The following HGF variants were observed in gnomAD, a reference collection of about 807,000 sequenced individuals.
HGF encodes hepatocyte growth factor.
HGF carries 39 observed loss-of-function variants against 111.6 expected under a neutral mutation model. The observed-to-expected ratio is 0.35, with a 90% confidence interval of 0.27 to 0.46. The LOEUF (loss-of-function observed/expected upper bound fraction) is 0.46, where lower values mean the gene tolerates loss of function less well. HGF is among the 20% of genes least tolerant of loss of function. The pLI is 1.00. For missense variants in HGF, 735 were observed against 910.5 expected (o/e 0.81, Z 2.48); for synonymous variants, 285 against 294.8 (o/e 0.97, Z 0.34).
chr7:81,748,944 G>T (rs1214920156), intron 5 of HGF, among the ~76,000 whole-genome samples: 1 of 152,122 alleles, frequency 6.6e-6, no homozygotes, highest in African/African-American at 2.4e-5. Context: ...CAGACTAAAA[G>T]AGTTATTTTG....
At chr7:81,738,601 C>T (rs563188951) in intron 7 of HGF, among the ~76,000 whole-genome samples, 2 of 152,252 alleles carry the variant, frequency 1.3e-5, no homozygotes, top group East Asian at 3.9e-4. Context: ...TTTAGTGATA[C>T]ATTGATTGTA....
intron 7 of HGF, among the ~76,000 whole-genome samples, chr7:81,733,032 A>G (rs1361713423): frequency 6.6e-6 from 1 of 152,182 alleles, no homozygotes; most frequent in East Asian, 1.9e-4. Context: ...TTTTAAAAAT[A>G]GCAATGATAT....
chr7:81,740,283 T>C (rs1212424089), intron 7 of HGF, among the ~76,000 whole-genome samples: 1 of 152,188 alleles, frequency 6.6e-6, no homozygotes, highest in Non-Finnish European at 1.5e-5. Context: ...TGAGTTCAGC[T>C]GGACTGGACT....
At chr7:81,752,884 C>T (rs1788573680) in intron 4 of HGF, among the ~76,000 whole-genome samples, 1 of 152,052 alleles carries the variant, frequency 6.6e-6, no homozygotes. Context: ...TAACCATAAC[C>T]TTTAACATCT....
At chr7:81,716,727 G>A (rs1789722238) in intron 11 of HGF, among the ~76,000 whole-genome samples, 1 of 151,988 alleles carries the variant, frequency 6.6e-6, no homozygotes, top group Non-Finnish European at 1.5e-5. Flanking sequence ...TTTTAACAAA[G>A]CCATCTGGGA....
chr7:81,730,602 A>G (rs1377413263), intron 7 of HGF, among the ~76,000 whole-genome samples: 3 of 151,086 alleles, frequency 2.0e-5, no homozygotes, highest in South Asian at 2.1e-4. Context: ...AATGCTTACT[A>G]TACGTCATGA....
intron 14 of HGF, 59 bp from the exon 15 acceptor site, chr7:81,706,486 T>C: frequency 7.5e-7 from 1 of 1,327,018 alleles, no homozygotes; most frequent in Non-Finnish European, 1.1e-6. Context: ...TCTGTAGTAT[T>C]ATTCCTATCT....
chr7:81,756,071 A>C (rs940624551), intron 4 of HGF: 1 of 701,578 alleles, frequency 1.4e-6, no homozygotes, highest in Non-Finnish European at 2.6e-6. Context: ...CCACTGCAAA[A>C]ACAAATCACA....
chr7:81,721,521 C>T (rs1283810464), intron 9 of HGF, among the ~76,000 whole-genome samples: 3 of 152,088 alleles, frequency 2.0e-5, no homozygotes, highest in African/African-American at 7.2e-5. Flanking sequence ...AGTAATATAA[C>T]GAACATTCAT....
At chr7:81,768,390 T>G (rs1227282680) in intron 1 of HGF, among the ~76,000 whole-genome samples, 1 of 152,088 alleles carries the variant, frequency 6.6e-6, no homozygotes, top group Non-Finnish European at 1.5e-5. Context: ...TTTTTTCTTC[T>G]TCTTCTTGAG....
At chr7:81,745,168 C>A (rs201108740) in intron 5 of HGF, 48 bp from the exon 6 acceptor site, 8 of 1,599,372 alleles carry the variant, frequency 5.0e-6, no homozygotes, top group East Asian at 4.5e-5. Context: ...ACAGCAAAAT[C>A]AAAAACACCA....
chr7:81,748,377 A>G (rs983788023), intron 5 of HGF, among the ~76,000 whole-genome samples: 14 of 152,182 alleles, frequency 9.2e-5, no homozygotes, highest in Non-Finnish European at 1.8e-4. Flanking sequence ...TCCAAAGTCA[A>G]TGGCTGAAAA....
chr7:81,751,922 G>T, intron 5 of HGF, 198 bp downstream of exon 5: 1 of 1,403,628 alleles, frequency 7.1e-7, no homozygotes. Flanking sequence ...AACTCGCTCT[G>T]TTATTTTGCA....
At chr7:81,714,721 C>T (rs1051309226) in intron 11 of HGF, among the ~76,000 whole-genome samples, 6 of 151,662 alleles carry the variant, frequency 4.0e-5, no homozygotes, top group Non-Finnish European at 8.8e-5. Context: ...AGAATAAAAA[C>T]CTTTACATGT....
At chr7:81,743,514 A>G (rs1788095443) in intron 6 of HGF, 43 bp from the exon 7 acceptor site, 1 of 1,193,688 alleles carries the variant, frequency 8.4e-7, no homozygotes, top group South Asian at 1.2e-5. Flanking sequence ...ATCTGCCTGG[A>G]AACACCACCC....
chr7:81,714,306 T>C (rs928466622), intron 11 of HGF, among the ~76,000 whole-genome samples: 4 of 152,132 alleles, frequency 2.6e-5, no homozygotes, highest in Middle Eastern at 3.2e-3. Flanking sequence ...TAGTATGTTA[T>C]ATATGGCTTT....
chr7:81,767,295 G>GAA (rs79951464), intron 1 of HGF, among the ~76,000 whole-genome samples: 14 of 126,474 alleles, frequency 1.1e-4, no homozygotes, highest in African/African-American at 3.4e-4. Context: ...AATGAAAAAA[G>GAA]AAAAAAAAAA....
At position 81,701,254 on chromosome 7, in the gene HGF, T is replaced by A. The variant is rs1487062955; in HGVS notation, c.*1327A>T. The stretch of plus-strand genomic sequence containing the variant: ...AATAAACATATCTTGATAAAATATC[T>A]GATTCAACAGATTCCACTCTACTTC... On this transcript the variant is annotated 3_prime_UTR_variant, in exon 18 of 18. Coordinates refer to ENST00000222390, the MANE Select transcript of HGF (RefSeq NM_000601.6). 1.3e-5 allele frequency: 2 copies of A among 151,440 alleles called. No individual in the cohort carries two copies. The highest frequency in any genetic ancestry group is 3.0e-5 in the Non-Finnish European group (2 of 67,572). 9.4% of individuals were successfully genotyped at this position (151,440 alleles called of 1,614,324 possible).
intron 13 of HGF, among the ~76,000 whole-genome samples, chr7:81,708,956 A>G (rs28622415): frequency 0.071 from 10,825 of 152,152 alleles, 1,287 homozygotes; most frequent in African/African-American, 0.25. Context: ...GGTATACTAA[A>G]AAAAGAACTT....
Sources: allele counts gnomAD v4.1 joint callset (sites outside exome capture counted in the v4.1 genomes callset), GRCh38; gene constraint gnomAD v4.1.1; transcripts MANE v1.5; gene names NCBI Gene and HGNC (gene_info 2026-07-23, HGNC 2026-07-21).